The following DAB1 variants were observed in gnomAD, a reference collection of about 807,000 sequenced individuals.
DAB1 encodes disabled homolog 1.
Under a neutral mutation model 64.6 loss-of-function variants are expected in DAB1, and 15 were observed. The observed-to-expected ratio is 0.23, with a 90% CI of 0.16 to 0.36. DAB1 has a LOEUF of 0.36. Ranked by LOEUF, DAB1 falls within the 10% of genes least tolerant of loss-of-function variation. The pLI, the probability that DAB1 is intolerant of heterozygous loss-of-function variation, is 1.00. For missense variants in DAB1, 596 were observed against 706.7 expected (o/e 0.84, Z 1.78); for synonymous variants, 235 against 251.9 (o/e 0.93, Z 0.64).
chr1:58,335,674 G>T (rs560560872), intron 4 of DAB1, among the ~76,000 whole-genome samples: 1 of 152,134 alleles, frequency 6.6e-6, no homozygotes, highest in Non-Finnish European at 1.5e-5. Flanking sequence ...GTGGAAAGGG[G>T]ATTGGTGAGA....
intron 6 of DAB1, among the ~76,000 whole-genome samples, chr1:57,792,238 T>C (rs1213767593): frequency 6.6e-6 from 1 of 152,234 alleles, no homozygotes; most frequent in Non-Finnish European, 1.5e-5. Flanking sequence ...GGGTTTTGGA[T>C]AGCTTGGACA....
chr1:57,311,563 C>T (rs1430130243), intron 1 of DAB1, among the ~76,000 whole-genome samples: 1 of 151,222 alleles, frequency 6.6e-6, no homozygotes, highest in East Asian at 1.9e-4. Flanking sequence ...TGGAACCTGT[C>T]TGAAGGGGAG....
chr1:58,223,210 C>A (rs1659268546), intron 4 of DAB1, among the ~76,000 whole-genome samples: 1 of 152,190 alleles, frequency 6.6e-6, no homozygotes, highest in Non-Finnish European at 1.5e-5. Flanking sequence ...ATTTTGAACA[C>A]AAATCTCTTT....
intron 2 of DAB1, among the ~76,000 whole-genome samples, chr1:57,247,692 T>C (rs2100504957): frequency 6.6e-6 from 1 of 152,334 alleles, no homozygotes; most frequent in East Asian, 1.9e-4. Flanking sequence ...CTAGGCTTCC[T>C]TGTTGTTAGG....
intron 3 of DAB1, among the ~76,000 whole-genome samples, chr1:58,385,432 T>G (rs539499791): frequency 6.6e-6 from 1 of 152,322 alleles, no homozygotes; most frequent in Admixed American, 6.5e-5. Flanking sequence ...TCATATGCAT[T>G]GTTTAAACAT....
chr1:57,966,958 T>G (rs189526928), intron 5 of DAB1, among the ~76,000 whole-genome samples: 1 of 152,358 alleles, frequency 6.6e-6, no homozygotes, highest in Non-Finnish European at 1.5e-5. Context: ...CTACTGGTTT[T>G]TAGTTTACAC....
intron 3 of DAB1, among the ~76,000 whole-genome samples, chr1:58,452,082 G>C (rs72669865): frequency 0.042 from 6,424 of 152,052 alleles, 202 homozygotes; most frequent in East Asian, 0.1. Context: ...ACAGGTGCGA[G>C]CCAACACGTC....
chr1:57,134,693 C>T lies in DAB1; in HGVS notation c.306+1850G>A, dbSNP rs569619192. ...GTTTAAAAAGAAAAAGAATACAAAACGTGGGTGAAGTTAGAAAAGATTTAT... is the reference window on the plus strand; with the variant it reads ...GTTTAAAAAGAAAAAGAATACAAAATGTGGGTGAAGTTAGAAAAGATTTAT... On this transcript the variant is annotated intron_variant, in intron 4 of 14. Coordinates refer to ENST00000371236, the MANE Select transcript of DAB1 (RefSeq NM_001365792.1). Among the ~76,000 whole-genome samples, 26 of 152,112 alleles carry T rather than the reference C, an allele frequency of 1.7e-4. No individual in the cohort carries two copies. In the South Asian group the frequency reaches 4.1e-3, roughly 24 times the overall value.
Position 57,226,672 on chromosome 1 carries a change from A to T in DAB1, c.67+64292T>A, listed in dbSNP as rs867734054. The stretch of plus-strand genomic sequence containing the variant: ...GTCACTCAAAAGTGGTTAAAAAAAA[A>T]ATATATATATATATATATATATATA... On this transcript the variant is annotated intron_variant, in intron 2 of 14. Coordinates refer to ENST00000371236, the MANE Select transcript of DAB1 (RefSeq NM_001365792.1). Among the ~76,000 whole-genome samples the T allele has an allele frequency of 4.0e-3, 541 of 135,992 alleles. 3 individuals are homozygous for T. Among genetic ancestry groups the T allele is most frequent in the African/African-American group, 6.3e-3 (205 of 32,402 alleles). The allele number at this position is 135,992 out of a possible 152,430, so 89.2% of individuals were successfully genotyped here. A position where few individuals can be genotyped will look rare whatever the true frequency, so the allele number is the denominator to read the frequency against.
chr1:57,780,028 T>G (rs1344823149), intron 6 of DAB1, among the ~76,000 whole-genome samples: 1 of 152,176 alleles, frequency 6.6e-6, no homozygotes, highest in Non-Finnish European at 1.5e-5. Context: ...AAAGTCGTAC[T>G]TAATTAAATG....
intron 1 of DAB1, among the ~76,000 whole-genome samples, chr1:57,364,830 A>G (rs1474952828): frequency 6.7e-6 from 1 of 149,932 alleles, no homozygotes; most frequent in Non-Finnish European, 1.5e-5. Flanking sequence ...AAGAAATAAT[A>G]AATTGTTTAG....
At chr1:57,698,681 G>A (rs989899193) in intron 6 of DAB1, among the ~76,000 whole-genome samples, 2 of 152,120 alleles carry the variant, frequency 1.3e-5, no homozygotes, top group Non-Finnish European at 2.9e-5. Flanking sequence ...TAATAAATGA[G>A]TGAATAAACA....
rs112432598 is a variant in DAB1 at position 57,007,563 on chromosome 1, C to A, written c.*15+3117G>T. On this transcript the variant is annotated intron_variant, in intron 14 of 14. Coordinates refer to ENST00000371236, the MANE Select transcript of DAB1 (RefSeq NM_001365792.1). ...ATACTTTCCTTTATTGCTAAAACAG[C>A]ACTGCTGTTTGAGATTGGCCCTGAA... 1.5e-3 allele frequency among the ~76,000 whole-genome samples: 228 copies of A among 152,274 alleles called. 1 individual carries two copies. The highest frequency in any genetic ancestry group is 5.2e-3 in the African/African-American group (217 of 41,558).
At chr1:57,627,005 T>G (rs1645930645) in intron 7 of DAB1, among the ~76,000 whole-genome samples, 1 of 152,074 alleles carries the variant, frequency 6.6e-6, no homozygotes. Context: ...CTTCTGGGGG[T>G]TTCTGGATGA....
At chr1:58,104,877 G>A (rs975679403) in intron 5 of DAB1, among the ~76,000 whole-genome samples, 3 of 152,148 alleles carry the variant, frequency 2.0e-5, no homozygotes, top group African/African-American at 4.8e-5. Context: ...TCTTGGTGTC[G>A]AATGGGATGT....
intron 1 of DAB1, among the ~76,000 whole-genome samples, chr1:57,351,517 C>T (rs1678589504): frequency 6.6e-6 from 1 of 152,102 alleles, no homozygotes; most frequent in Non-Finnish European, 1.5e-5. Context: ...CTAAGACCCA[C>T]TAAGAATTGC....
At chr1:58,005,318 G>A (rs923794840) in intron 5 of DAB1, among the ~76,000 whole-genome samples, 2 of 152,114 alleles carry the variant, frequency 1.3e-5, no homozygotes, top group African/African-American at 4.8e-5. Context: ...AGAAATGCAT[G>A]AGTCTGCCCA....
At chr1:57,649,851 G>A (rs552393614) in intron 6 of DAB1, among the ~76,000 whole-genome samples, 114 of 152,286 alleles carry the variant, frequency 7.5e-4, no homozygotes, top group Non-Finnish European at 1.1e-3. Flanking sequence ...ACCACTGTGC[G>A]TGTTAGGCAA....
intron 7 of DAB1, among the ~76,000 whole-genome samples, chr1:57,609,497 C>T (rs187916281): frequency 6.6e-6 from 1 of 152,210 alleles, no homozygotes; most frequent in East Asian, 1.9e-4. Context: ...GAGACGAATT[C>T]CCCCACGAAT....
Sources: gnomAD v4.1 joint callset for allele counts (sites outside exome capture counted in the v4.1 genomes callset) on GRCh38, gnomAD v4.1.1 for gene constraint, MANE v1.5 for transcripts, NCBI Gene and HGNC (gene_info 2026-07-23, HGNC 2026-07-21) for gene names.